The following GIMAP1 variants were observed in gnomAD, a reference collection of about 807,000 sequenced individuals.
The protein encoded by GIMAP1 is GTPase, IMAP family member 1, also known as GTPase IMAP family member 1.
For synonymous variants in GIMAP1, 230 were observed against 187.7 expected (o/e 1.23, Z -1.84); for missense variants, 423 against 411.9 (o/e 1.03, Z -0.23).
rs181813475 is a variant in GIMAP1, at chr7:150,718,695, A to G, written c.-6-347A>G. Among the ~76,000 whole-genome samples, 78 of 152,338 alleles carry G rather than the reference A, an allele frequency of 5.1e-4. 1 individual carries two copies. The highest frequency in any genetic ancestry group is 5.1e-3 in the Admixed American group (78 of 15,300). ...TTGGAGTTCCTGAAAAGACAAATCT[A>G]GCCTCACCCAATGTTCTCACAGCAT... On this transcript the variant is annotated intron_variant, in intron 1 of 2. Coordinates refer to ENST00000307194, the MANE Select transcript of GIMAP1 (RefSeq NM_130759.4).
intron 1 of GIMAP1, among the ~76,000 whole-genome samples, chr7:150,717,684 A>G (rs1797237176): frequency 6.6e-6 from 1 of 152,224 alleles, no homozygotes; most frequent in African/African-American, 2.4e-5. Context: ...GTTGACAAGG[A>G]CATTTTGCTT....
At chr7:150,719,008 A>G (rs1359856559) in intron 1 of GIMAP1, 34 bp from the exon 2 acceptor site, 2 of 1,613,862 alleles carry the variant, frequency 1.2e-6, no homozygotes, top group East Asian at 2.2e-5. Flanking sequence ...GAATAAATAA[A>G]TGAATTAACA....
rs1013125356 is a variant in GIMAP1, at chr7:150,722,715, G to T, written c.*1790G>T. On this transcript the variant is annotated 3_prime_UTR_variant, in exon 3 of 3. Coordinates refer to ENST00000307194, the MANE Select transcript of GIMAP1 (RefSeq NM_130759.4). ...GAGCAGGGCTCCCAATAGGCAGTGT[G>T]CCCAGAGTAGCAGCTCGGAAGCAGT... 9.2e-5 allele frequency: 14 copies of T among 152,394 alleles called. No homozygotes were observed. Among genetic ancestry groups the T allele is most frequent in the African/African-American group, 3.4e-4 (14 of 41,582 alleles). 9.4% of individuals were successfully genotyped at this position (152,394 alleles called of 1,614,324 possible).
intron 2 of GIMAP1, 127 bp downstream of exon 2, chr7:150,719,217 C>A: frequency 8.4e-7 from 1 of 1,191,372 alleles, no homozygotes; most frequent in Non-Finnish European, 1.2e-6. Context: ...TGGGATGAAA[C>A]AGCACCAGCC....
rs1459707047 is a variant in GIMAP1, at chr7:150,720,836, C to A, written c.832C>A (p.Leu278Met). 1.2e-6 allele frequency: 2 copies of A among 1,604,760 alleles called. No individual in the cohort carries two copies. The highest frequency in any genetic ancestry group is 2.7e-5 in the African/African-American group (2 of 74,850). The change falls in exon 3 of 3, where the codon CTG becomes ATG. Residue 278 changes from leucine to methionine, a missense_variant. By Grantham distance (15) the Leu-to-Met change is conservative. Transcript: ENST00000307194. This position sits in a 1 kb window ranked among gnomAD's most constrained non-coding sequence, Gnocchi z 4.5. ...LKSPRSWRLG[L>M]ALLLGGALLF... ...GTCCCCCAGGAGCTGGAGGCTGGGC[C>A]TGGCCCTGCTGCTGGGGGGCGCGCT...
chr7:150,719,664 G>T (rs73727380), intron 2 of GIMAP1: 4,359 of 180,780 alleles, frequency 0.024, 198 homozygotes, highest in African/African-American at 0.097. Context: ...TCAAACCAGG[G>T]TATCTGGGAC....
Position 150,722,810 on chromosome 7 carries a change from G to GA in GIMAP1, c.*1891dup, listed in dbSNP as rs1045677381. On this transcript the variant is annotated 3_prime_UTR_variant, in exon 3 of 3. Transcript: ENST00000307194. Reference sequence around the variant, plus strand: ...GGGGTGGATTATGCCAAAATTTCTAGAAAAAAGGTCGTAACTTCCAGGTCG... The same window carrying GA: ...GGGGTGGATTATGCCAAAATTTCTAGAAAAAAAGGTCGTAACTTCCAGGTCG... 3 of 152,174 alleles carry GA rather than the reference G, an allele frequency of 2.0e-5. No individual in the cohort carries two copies. Among genetic ancestry groups the GA allele is most frequent in the African/African-American group, 7.2e-5 (3 of 41,424 alleles). The allele number at this position is 152,174 out of a possible 1,614,324, so 9.4% of individuals were successfully genotyped here.
rs1760047444 is a variant in GIMAP1 at position 150,720,173 on chromosome 7, C to T, written c.169C>T (p.Leu57=). ...ILGQRRFFSR[L]GATSVTRACT... is the part of the protein sequence containing the mutation. Reference sequence around the variant, plus strand: ...GGGCCAGAGACGGTTCTTCTCCAGGCTGGGGGCCACGTCTGTGACCAGGGC... The same window carrying T: ...GGGCCAGAGACGGTTCTTCTCCAGGTTGGGGGCCACGTCTGTGACCAGGGC... Residue 57 remains leucine, a synonymous_variant, in exon 3 of 3, where the codon CTG becomes TTG. Coordinates refer to ENST00000307194, the MANE Select transcript of GIMAP1 (RefSeq NM_130759.4). The surrounding 1 kb of genome is among the most constrained non-coding windows in gnomAD (Gnocchi z 4.5). 6.2e-7 allele frequency: 1 copy of T among 1,614,164 alleles called. No individual in the cohort carries two copies.
chr7:150,716,973 T>A (rs1352556228), intron 1 of GIMAP1, among the ~76,000 whole-genome samples: 8 of 152,064 alleles, frequency 5.3e-5, no homozygotes, highest in Non-Finnish European at 2.9e-5. Context: ...AAGAGTGTGC[T>A]GGAACCACCT....
At chr7:150,718,480 A>G (rs905818754) in intron 1 of GIMAP1, among the ~76,000 whole-genome samples, 1 of 152,210 alleles carries the variant, frequency 6.6e-6, no homozygotes, top group Non-Finnish European at 1.5e-5. Context: ...CAGGTCAGCC[A>G]CTTGAAGGTG....
rs551296159 is a variant in GIMAP1 at position 150,720,072 on chromosome 7, G to A, written c.68G>A (p.Arg23Gln). The A allele has an allele frequency of 1.2e-5, 19 of 1,609,926 alleles. No individual in the cohort carries two copies. Among genetic ancestry groups the A allele is most frequent in the South Asian group, 9.9e-5 (9 of 90,694 alleles). Residue 23 changes from arginine to glutamine, a missense_variant, in exon 3 of 3, where the codon CGG (arginine) becomes CAG (glutamine). By Grantham distance (43) the Arg-to-Gln change is conservative. Coordinates refer to ENST00000307194, the MANE Select transcript of GIMAP1 (RefSeq NM_130759.4). This position sits in a 1 kb window ranked among gnomAD's most constrained non-coding sequence, Gnocchi z 4.5. Reference sequence around the variant, plus strand: ...GGTTTAGAAGAGAACGCTCAGTCCCGGCAGGAGTCCACGCGGAGGCTCATC... The same window carrying A: ...GGTTTAGAAGAGAACGCTCAGTCCCAGCAGGAGTCCACGCGGAGGCTCATC... The part of the protein sequence containing the change: ...VYGLEENAQS[R>Q]QESTRRLILV...
At chr7:150,719,201 C>A (rs1230905876) in intron 2 of GIMAP1, 111 bp downstream of exon 2, 6 of 1,404,138 alleles carry the variant, frequency 4.3e-6, no homozygotes, top group Non-Finnish European at 5.9e-6. Context: ...AGAGGTGTCT[C>A]AACTCTGGGA....
intron 1 of GIMAP1, among the ~76,000 whole-genome samples, chr7:150,718,720 T>G (rs534009798): frequency 6.6e-6 from 1 of 152,336 alleles, no homozygotes; most frequent in Non-Finnish European, 1.5e-5. Context: ...TCTCACAGCA[T>G]CCTACCAACT....
At position 150,724,117 on chromosome 7, in the gene GIMAP1, G is replaced by A. The variant is rs920160641; in HGVS notation, c.*3192G>A. On this transcript the variant is annotated 3_prime_UTR_variant, in exon 3 of 3. Coordinates refer to ENST00000307194, the MANE Select transcript of GIMAP1 (RefSeq NM_130759.4). ...CACCTATGGATTCAGTACCCCAGAA[G>A]AGAATTTCTGTAAATTCTTGGGGAA... 2.6e-5 allele frequency: 4 copies of A among 152,086 alleles called. No individual in the cohort carries two copies. In the South Asian group the frequency reaches 6.2e-4, roughly 24 times the overall value. 9.4% of individuals were successfully genotyped at this position (152,086 alleles called of 1,614,324 possible).
chr7:150,720,975 C>T lies in GIMAP1; in HGVS notation c.*50C>T. 1 of 1,435,636 alleles carries T rather than the reference C, an allele frequency of 7.0e-7. No individual in the cohort carries two copies. The highest frequency in any genetic ancestry group is 9.2e-7 in the Non-Finnish European group (1 of 1,092,716). The allele number at this position is 1,435,636 out of a possible 1,614,324, so 88.9% of individuals were successfully genotyped here. A position where few individuals can be genotyped will look rare whatever the true frequency, so the allele number is the denominator to read the frequency against. ...CAACTTGGTTAAGGGAGGCTGAATT[C>T]TTGGAGCTGAAGGGAAAACTTCATT... On this transcript the variant is annotated 3_prime_UTR_variant, in exon 3 of 3. Coordinates refer to ENST00000307194, the MANE Select transcript of GIMAP1 (RefSeq NM_130759.4). The surrounding 1 kb of genome is among the most constrained non-coding windows in gnomAD (Gnocchi z 4.5).
At chr7:150,718,003 G>T (rs1459032903) in intron 1 of GIMAP1, among the ~76,000 whole-genome samples, 1 of 152,158 alleles carries the variant, frequency 6.6e-6, no homozygotes, top group Non-Finnish European at 1.5e-5. Flanking sequence ...CAAGTGACCA[G>T]GGTGCAAGAC....
At chr7:150,719,827 A>G (rs1736538061) in intron 2 of GIMAP1, among the ~76,000 whole-genome samples, 1 of 152,256 alleles carries the variant, frequency 6.6e-6, no homozygotes, top group African/African-American at 2.4e-5. Flanking sequence ...CAGATGAACT[A>G]TTGGGCTGGA....
rs1289193569 is a variant in GIMAP1, at chr7:150,723,500, C to T, written c.*2575C>T. ...CCCCCAAATTACTGTATTTCCACCC[C>T]TTTCAGCTTATTTTATCCTTTTCTC... is the stretch of plus-strand genomic sequence containing the variant. On this transcript the variant is annotated 3_prime_UTR_variant, in exon 3 of 3. Transcript: ENST00000307194. The T allele has an allele frequency of 6.6e-6, 1 of 152,198 alleles. No homozygotes were observed. The highest frequency in any genetic ancestry group is 1.5e-5 in the Non-Finnish European group (1 of 68,044). 9.4% of individuals were successfully genotyped at this position (152,198 alleles called of 1,614,324 possible). A position where few individuals can be genotyped will look rare whatever the true frequency, so the allele number is the denominator to read the frequency against.
chr7:150,723,405 C>T lies in GIMAP1; in HGVS notation c.*2480C>T, dbSNP rs547833153. The T allele has an allele frequency of 4.6e-5, 7 of 151,994 alleles. No individual in the cohort carries two copies. The highest frequency in any genetic ancestry group is 1.9e-4 in the East Asian group (1 of 5,200). The allele number at this position is 151,994 out of a possible 1,614,324, so 9.4% of individuals were successfully genotyped here. On this transcript the variant is annotated 3_prime_UTR_variant, in exon 3 of 3. Transcript: ENST00000307194. ...CCATAGATAACAGAAAATTCTTTCG[C>T]GCAAGCATGTCATTGTATTAATGAT... is the stretch of plus-strand genomic sequence containing the variant.
Sources: gnomAD v4.1 joint callset for allele counts (sites outside exome capture counted in the v4.1 genomes callset) on GRCh38, gnomAD v4.1.1 for gene constraint, Gnocchi (gnomAD v3.1) non-coding constraint, MANE v1.5 for transcripts, NCBI Gene and HGNC (gene_info 2026-07-23, HGNC 2026-07-21) for gene names.